Variants in HERC2 observed in about 807,000 individuals in gnomAD.
HERC2 encodes the protein HECT and RLD domain containing E3 ubiquitin protein ligase 2.
HERC2 carries 102 observed loss-of-function variants against 537.7 expected under a neutral mutation model. The ratio of observed to expected loss-of-function variants is 0.19; its 90% CI spans 0.16 to 0.22. The LOEUF is 0.22. HERC2 is among the 10% of genes least tolerant of loss of function. The pLI is 1.00. For missense variants in HERC2, 4,236 were observed against 6,198.2 expected, an observed-to-expected ratio of 0.68 and a Z score of 10.63; for synonymous variants, 2,224 against 2,466.2, an observed-to-expected ratio of 0.90 and a Z score of 2.91.
chr15:28,240,925 C>T (rs1366616650), intron 23 of HERC2, among the ~76,000 whole-genome samples: 2 of 152,230 alleles, frequency 1.3e-5, no homozygotes, highest in Non-Finnish European at 1.5e-5. Context: ...AAAATAAGTG[C>T]TAAAACTATA....
At chr15:28,191,374 T>C in intron 53 of HERC2, 130 bp from the exon 54 acceptor site, 1 of 637,438 alleles carries the variant, frequency 1.6e-6, no homozygotes. Flanking sequence ...TGAGAGAGAA[T>C]TTTCCCTCAA....
intron 65 of HERC2, among the ~76,000 whole-genome samples, chr15:28,171,641 T>A (rs183596266): frequency 1.3e-3 from 186 of 147,942 alleles, no homozygotes; most frequent in African/African-American, 3.3e-3. Flanking sequence ...TCACTTTTTT[T>A]AAAAAAAAAA....
intron 35 of HERC2, 133 bp downstream of exon 35, chr15:28,228,085 G>T: frequency 1.3e-6 from 1 of 771,698 alleles, no homozygotes. Flanking sequence ...ACGTTAAAAT[G>T]GTACACTTCC....
In HERC2 at chr15:28,238,631, G is replaced by A; in HGVS notation, c.3719C>T (p.Thr1240Ile). ...AATACTATTTCCTGTTAACGACTGT[G>A]TCTGGAAGTCCTTTATATCATACAC... is the stretch of plus-strand genomic sequence containing the variant. ...GKVYDIKDFQ[T>I]QSLTGNSILA... Residue 1240 changes from threonine (T) to isoleucine (I), a missense_variant, in exon 24 of 93, where the codon ACA (threonine) becomes ATA (isoleucine). Physicochemically the swap from Thr to Ile is moderately conservative, Grantham distance 89. Around this residue, in one of 27 missense-constraint regions of HERC2, gnomAD observed 754 missense variants for 1,085.0 expected, o/e 0.69. Coordinates refer to ENST00000261609, the MANE Select transcript of HERC2 (RefSeq NM_004667.6). 6.2e-7 allele frequency: 1 copy of A among 1,611,508 alleles called. No individual in the cohort carries two copies. The highest frequency in any genetic ancestry group is 2.2e-5 in the East Asian group (1 of 44,858).
chr15:28,239,463 GCTTAGATTATGTC>G, intron 23 of HERC2, among the ~76,000 whole-genome samples: 1 of 150,266 alleles, frequency 6.7e-6, no homozygotes, highest in East Asian at 1.9e-4. Context: ...AAGAAGTCAA[GCTTAGATTATGTC>G]CTTCCTGTAC....
Position 28,141,630 on chromosome 15 carries a change from C to T in HERC2, c.11817G>A (p.Arg3939=). 1 of 1,614,156 alleles carries T rather than the reference C, an allele frequency of 6.2e-7. No individual in the cohort carries two copies. Among genetic ancestry groups the T allele is most frequent in the Non-Finnish European group, 8.5e-7 (1 of 1,180,032 alleles). Reference sequence around the variant, plus strand: ...CAGAGAGAGTCCAGTCATCTGGTCGCCTACAATACACATCAAGTGAGCATT... The same window carrying T: ...CAGAGAGAGTCCAGTCATCTGGTCGTCTACAATACACATCAAGTGAGCATT... ...QDEQLVQWMN[R]RPDDWTLSAG... is the part of the protein sequence containing the mutation. The change falls in exon 78 of 93, where the codon AGG becomes AGA. Residue 3939 remains arginine (R), a splice_region_variant and synonymous_variant. Transcript: ENST00000261609.
intron 55 of HERC2, among the ~76,000 whole-genome samples, chr15:28,188,415 G>C (rs935206425): frequency 3.3e-5 from 5 of 152,002 alleles, no homozygotes; most frequent in African/African-American, 1.2e-4. Flanking sequence ...ATGGTGGCAG[G>C]CGCCTATAGT....
rs759901732 is a variant in HERC2 at position 28,201,493 on chromosome 15, T to C, written c.7679A>G (p.Asn2560Ser). ...TCTCACATATACAGCATAATCATCA[T>C]TACTCAAGAAATCAGCTCGTTTTTT... ...TYKKRADFLS[N>S]DDYAVYVREN... The change falls in exon 48 of 93, where the codon AAT becomes AGT. Residue 2560 changes from asparagine (N) to serine (S), a missense_variant. By Grantham distance (46) the Asn-to-Ser change is conservative. Transcript: ENST00000261609. 1 of 1,612,650 alleles carries C rather than the reference T, an allele frequency of 6.2e-7. No individual in the cohort carries two copies. The highest frequency in any genetic ancestry group is 1.7e-5 in the Admixed American group (1 of 60,022).
intron 44 of HERC2, among the ~76,000 whole-genome samples, 161 bp from the exon 45 acceptor site, chr15:28,206,543 T>G (rs1428133483): frequency 6.6e-6 from 1 of 151,346 alleles, no homozygotes; most frequent in East Asian, 1.9e-4. Context: ...GAACAAAAAC[T>G]AGACTCTAGG....
At chr15:28,251,373 G>A (rs1425302458) in intron 20 of HERC2, among the ~76,000 whole-genome samples, 2 of 151,662 alleles carry the variant, frequency 1.3e-5, no homozygotes, top group Non-Finnish European at 2.9e-5. Flanking sequence ...AACCCAGGAG[G>A]CAGAGGCTGC....
chr15:28,216,621 C>A (rs1190325331), intron 38 of HERC2, among the ~76,000 whole-genome samples: 1 of 150,598 alleles, frequency 6.6e-6, no homozygotes, highest in Non-Finnish European at 1.5e-5. Context: ...CACATGCGCT[C>A]ACACACACAC....
intron 48 of HERC2, 98 bp downstream of exon 48, chr15:28,201,358 C>G (rs1897886640): frequency 3.8e-6 from 3 of 790,456 alleles, no homozygotes; most frequent in Non-Finnish European, 6.6e-6. Flanking sequence ...TCCCTGAGGG[C>G]AGGGGCCTCT....
rs1177949988 is a variant in HERC2 at position 28,265,828 on chromosome 15, C to T, written c.1745G>A (p.Arg582Gln). Residue 582 changes from arginine to glutamine, a missense_variant, in exon 13 of 93, where the codon CGG becomes CAG. By Grantham distance (43) the Arg-to-Gln change is conservative (BLOSUM62 1). Transcript: ENST00000261609. This position sits in a 1 kb window ranked among gnomAD's most constrained non-coding sequence, Gnocchi z 4.0. ...CAGAGCAGACGTACCATGGCCCAGC[C>T]GGCCGTAGTTCCCGCGGCCCCAGGT... is the stretch of plus-strand genomic sequence containing the variant. ...LYTWGRGNYG[R>Q]LGHGSSEDEA... The T allele has an allele frequency of 3.1e-6, 5 of 1,614,150 alleles. No individual in the cohort carries two copies. The highest frequency in any genetic ancestry group is 4.2e-6 in the Non-Finnish European group (5 of 1,180,028).
Position 28,122,446 on chromosome 15 carries a change from C to T in HERC2, c.13189-1017G>A, listed in dbSNP as rs1396745578. On this transcript the variant is annotated intron_variant, in intron 85 of 92. Coordinates refer to ENST00000261609, the MANE Select transcript of HERC2 (RefSeq NM_004667.6). This position sits in a 1 kb window ranked among gnomAD's most constrained non-coding sequence, Gnocchi z 4.1. ...GCTCAAAGCCTAAGAACTCCAAGCC[C>T]TGAAGGCAGGAGGTGAGGGCCCCAA... 6.6e-6 allele frequency among the ~76,000 whole-genome samples: 1 copy of T among 152,204 alleles called. No individual in the cohort carries two copies. Among genetic ancestry groups the T allele is most frequent in the African/African-American group, 2.4e-5 (1 of 41,456 alleles).
At chr15:28,115,161 C>A (rs1211792041) in intron 89 of HERC2, 1 of 515,304 alleles carries the variant, frequency 1.9e-6, no homozygotes. Flanking sequence ...GACTCACGGC[C>A]CCCAGCTGCC....
intron 56 of HERC2, 37 bp downstream of exon 56, chr15:28,186,540 G>T: frequency 6.4e-7 from 1 of 1,556,378 alleles, no homozygotes; most frequent in Non-Finnish European, 8.8e-7. Flanking sequence ...GGAATGTAGC[G>T]GGAGGTAAGT....
chr15:28,316,369 G>T (rs750420075), intron 2 of HERC2, among the ~76,000 whole-genome samples: 19 of 151,714 alleles, frequency 1.3e-4, no homozygotes, highest in Non-Finnish European at 2.2e-4. Context: ...GCCAGGCACA[G>T]TGGCTCATAC....
At position 28,198,387 on chromosome 15, in the gene HERC2, C is replaced by T. The variant is rs371325151; in HGVS notation, c.8002G>A (p.Val2668Ile). The T allele has an allele frequency of 2.5e-6, 4 of 1,612,034 alleles. No individual in the cohort carries two copies. The highest frequency in any genetic ancestry group is 1.1e-5 in the South Asian group (1 of 90,876). The change falls in exon 50 of 93, where the codon GTT becomes ATT. Residue 2668 changes from valine (V) to isoleucine (I), a missense_variant. Physicochemically the swap from Val to Ile is conservative, Grantham distance 29. This residue lies in a region of HERC2 where 606 missense variants were observed against 884.5 expected (regional missense o/e 0.69). Transcript: ENST00000261609. The stretch of plus-strand genomic sequence containing the variant: ...ACCCAGATAATATTACCTTTCACAA[C>T]CCCCACACTCTGATGAGTCACAGAT... ...WGSVTHQSVGVVKAFSANGKD... is the reference protein window; with the variant it reads ...WGSVTHQSVGIVKAFSANGKD...
chr15:28,272,494 G>T, intron 8 of HERC2, 108 bp from the exon 9 acceptor site: 1 of 1,023,224 alleles, frequency 9.8e-7, no homozygotes, highest in South Asian at 1.6e-5. Context: ...AAATACTTGG[G>T]ATTTGAAAGG....
Sources: gnomAD v4.1 joint callset for allele counts (sites outside exome capture counted in the v4.1 genomes callset) on GRCh38, gnomAD v4.1.1 for gene constraint, gnomAD v4.1.1 regional missense constraint, Gnocchi (gnomAD v3.1) non-coding constraint, MANE v1.5 for transcripts, NCBI Gene and HGNC (gene_info 2026-07-23, HGNC 2026-07-21) for gene names.